Variants in STK32C observed in about 807,000 individuals in gnomAD.
STK32C encodes serine/threonine kinase 32C, also known as serine/threonine-protein kinase 32C.
In STK32C, 31 loss-of-function variants were observed where a neutral mutation model predicts 56.5. That is an observed-to-expected ratio of 0.55 (90% CI 0.41 to 0.74). The LOEUF (loss-of-function observed/expected upper bound fraction) is 0.74, where lower values mean the gene tolerates loss of function less well. Among genes scored for constraint, STK32C ranks in the 30% least tolerant of loss-of-function variants. The probability of loss-of-function intolerance (pLI) is 0.00; values close to 1 mark genes in which losing one functional copy is unlikely to be tolerated. For missense variants in STK32C, 544 were observed against 676.9 expected, an observed-to-expected ratio of 0.80 and a Z score of 2.18; for synonymous variants, 309 against 289.4, an observed-to-expected ratio of 1.07 and a Z score of -0.69.
rs565122922 is a variant in STK32C, at chr10:132,214,600, G to C, written c.1252-5499C>G. On this transcript the variant is annotated intron_variant, in intron 10 of 11. Coordinates refer to ENST00000298630, the MANE Select transcript of STK32C (RefSeq NM_173575.4). Reference sequence around the variant, plus strand: ...AAGCACTTTAGAGGAGGAATGAATAGAGGTAAAATGAAATTTTTAATTTTT... The same window carrying C: ...AAGCACTTTAGAGGAGGAATGAATACAGGTAAAATGAAATTTTTAATTTTT... Among the ~76,000 whole-genome samples, 15 of 152,340 alleles carry C rather than the reference G, an allele frequency of 9.8e-5. No homozygotes were observed. In the South Asian group the frequency reaches 1.2e-3, roughly 13 times the overall value.
At chr10:132,328,259 T>A (rs1199569950) in intron 1 of STK32C, among the ~76,000 whole-genome samples, 1 of 152,070 alleles carries the variant, frequency 6.6e-6, no homozygotes, top group Non-Finnish European at 1.5e-5. Flanking sequence ...AGGTTGGAGA[T>A]GGACTCATAG....
intron 1 of STK32C, among the ~76,000 whole-genome samples, chr10:132,298,300 A>C (rs1326005733): frequency 2.0e-5 from 3 of 152,236 alleles, no homozygotes; most frequent in Non-Finnish European, 4.4e-5. Context: ...CCCAGGCCTA[A>C]GCCTCAAGAA....
intron 1 of STK32C, among the ~76,000 whole-genome samples, chr10:132,284,940 G>A (rs373139105): frequency 4.6e-4 from 51 of 110,950 alleles, no homozygotes; most frequent in South Asian, 7.3e-4. Context: ...ACATTCCCAC[G>A]TCTGCCCAAA....
At chr10:132,209,407 G>A (rs966316182) in intron 10 of STK32C, 6 of 613,930 alleles carry the variant, frequency 9.8e-6, no homozygotes, top group African/African-American at 7.2e-5. Flanking sequence ...GACTTTGCTG[G>A]AAACCACTCC....
At chr10:132,212,817 C>T (rs536887634) in intron 10 of STK32C, among the ~76,000 whole-genome samples, 1 of 152,372 alleles carries the variant, frequency 6.6e-6, no homozygotes, top group East Asian at 1.9e-4. Context: ...TAATGAAAAT[C>T]AATGACTTTT....
intron 1 of STK32C, among the ~76,000 whole-genome samples, chr10:132,246,393 C>G (rs938297358): frequency 2.6e-5 from 4 of 152,244 alleles, no homozygotes; most frequent in Non-Finnish European, 5.9e-5. Context: ...TGGTTCCCCT[C>G]CACCCTGCTC....
At chr10:132,289,540 C>G (rs11146314) in intron 1 of STK32C, among the ~76,000 whole-genome samples, 2,145 of 152,328 alleles carry the variant, frequency 0.014, 54 homozygotes, top group African/African-American at 0.049. Flanking sequence ...GTTCAGGCTA[C>G]TATAACAGAT....
At chr10:132,299,063 GC>G (rs2065838645) in intron 1 of STK32C, among the ~76,000 whole-genome samples, 1 of 151,690 alleles carries the variant, frequency 6.6e-6, no homozygotes. Context: ...TAATCCACCA[GC>G]CAAGAGTGGA....
intron 1 of STK32C, among the ~76,000 whole-genome samples, chr10:132,300,858 TAGTC>T (rs1342219566): frequency 6.6e-6 from 1 of 152,170 alleles, no homozygotes; most frequent in Non-Finnish European, 1.5e-5. Context: ...GCCCAAGTAT[TAGTC>T]AGCAGCAGCA....
chr10:132,316,308 G>A (rs2066308739), intron 1 of STK32C, among the ~76,000 whole-genome samples: 1 of 152,082 alleles, frequency 6.6e-6, no homozygotes, highest in Non-Finnish European at 1.5e-5. Context: ...GTAAAGATGA[G>A]CTATAAAAAG....
chr10:132,249,019 G>C (rs1378774577), intron 1 of STK32C: 2 of 467,864 alleles, frequency 4.3e-6, no homozygotes, highest in Non-Finnish European at 8.6e-6. Context: ...GGTCACCTGC[G>C]CCCTGCACAC....
At chr10:132,216,474 A>AAAAAAAAAAGAGAG (rs2062475372) in intron 10 of STK32C, among the ~76,000 whole-genome samples, 1 of 151,874 alleles carries the variant, frequency 6.6e-6, no homozygotes, top group Non-Finnish European at 1.5e-5. Flanking sequence ...TCTCAAAAAA[A>AAAAAAAAAAGAGAG]AAAAAAAAGA....
rs142388232 is a variant in STK32C, at chr10:132,259,530, G to A, written c.263-13575C>T. Reference sequence around the variant, plus strand: ...TCCCCCTTGCTGTTCTCGTGATAGTGAGTTCTCATGAGATCTGGGCGTCTG... The same window carrying A: ...TCCCCCTTGCTGTTCTCGTGATAGTAAGTTCTCATGAGATCTGGGCGTCTG... On this transcript the variant is annotated intron_variant, in intron 1 of 11. Transcript: ENST00000298630. 2.5e-3 allele frequency among the ~76,000 whole-genome samples: 375 copies of A among 152,218 alleles called. 1 individual carries two copies. The highest frequency in any genetic ancestry group is 8.7e-3 in the African/African-American group (360 of 41,536).
At chr10:132,218,851 TG>T (rs550437807) in intron 10 of STK32C, among the ~76,000 whole-genome samples, 1,576 of 152,290 alleles carry the variant, frequency 0.01, 17 homozygotes, top group Non-Finnish European at 0.017. Context: ...GATACATATG[TG>T]GAATATTACT....
upstream of STK32C, among the ~76,000 whole-genome samples, chr10:132,309,356 T>TGGACATGCACCCGCCTA (rs1472902989): frequency 4.0e-4 from 60 of 151,772 alleles, 1 homozygote; most frequent in South Asian, 2.1e-3. Flanking sequence ...TGCACCCGCC[T>TGGACATGCACCCGCCTA]GGACATGCAC....
upstream of STK32C, chr10:132,332,031 C>T (rs2066791382): frequency 5.6e-6 from 2 of 356,644 alleles, no homozygotes; most frequent in East Asian, 4.8e-5. Context: ...CCACACCCCG[C>T]CCCCGCACGC....
chr10:132,268,930 T>C (rs1403554272), intron 1 of STK32C, among the ~76,000 whole-genome samples: 1 of 147,010 alleles, frequency 6.8e-6, no homozygotes, highest in Non-Finnish European at 1.5e-5. Flanking sequence ...TTCAGCTCTA[T>C]GCCTGTGTGC....
At chr10:132,324,242 C>G (rs1284210571) in exon 2 of STK32C, 2 of 779,636 alleles carry the variant, frequency 2.6e-6, no homozygotes, top group South Asian at 2.7e-5. Flanking sequence ...CATTACACAC[C>G]CCCTCTTGAT....
Position 132,307,726 on chromosome 10 carries a change from C to A in STK32C, c.108G>T (p.Pro36=), listed in dbSNP as rs1440488164. The A allele has an allele frequency of 8.1e-7, 1 of 1,229,074 alleles. No individual in the cohort carries two copies. Among genetic ancestry groups the A allele is most frequent in the Non-Finnish European group, 1.0e-6 (1 of 977,208 alleles). 76.1% of individuals were successfully genotyped at this position (1,229,074 alleles called of 1,614,324 possible). A position where few individuals can be genotyped will look rare whatever the true frequency, so the allele number is the denominator to read the frequency against. The stretch of plus-strand genomic sequence containing the variant: ...CCCGGGGCTGGCCAGCAGCGGGCGG[C>A]GGCAGGGCCGAGGGCGCGTCGGAGC... The part of the protein sequence containing the change: ...PAGSDAPSAL[P]PPAAGQPRAR... Residue 36 remains proline, a synonymous_variant, in exon 1 of 12, where the codon CCG becomes CCT. Coordinates refer to ENST00000298630, the MANE Select transcript of STK32C (RefSeq NM_173575.4). This position sits in a 1 kb window ranked among gnomAD's most constrained non-coding sequence, Gnocchi z 4.4.
Sources: gnomAD v4.1 joint callset for allele counts (sites outside exome capture counted in the v4.1 genomes callset) on GRCh38, gnomAD v4.1.1 for gene constraint, Gnocchi (gnomAD v3.1) non-coding constraint, MANE v1.5 for transcripts, NCBI Gene and HGNC (gene_info 2026-07-23, HGNC 2026-07-21) for gene names.